The following CHP2 variants were observed in gnomAD, a reference collection of about 807,000 sequenced individuals.
CHP2 encodes the protein calcineurin like EF-hand protein 2, also known as calcineurin B homologous protein 2.
Under a neutral mutation model 24.7 loss-of-function variants are expected in CHP2, and 31 were observed. The ratio of observed to expected loss-of-function variants is 1.26; its 90% CI spans 0.94 to 1.69. The LOEUF (loss-of-function observed/expected upper bound fraction) is 1.69, where lower values mean the gene tolerates loss of function less well. Ranked by LOEUF, CHP2 falls within the 40% of genes most tolerant of loss-of-function variation. The pLI, the probability that CHP2 is intolerant of heterozygous loss-of-function variation, is 0.00. For synonymous variants in CHP2, 97 were observed against 99.1 expected, an observed-to-expected ratio of 0.98 and a Z score of 0.13; for missense variants, 319 against 261.5, an observed-to-expected ratio of 1.22 and a Z score of -1.52.
At position 23,757,541 on chromosome 16, in the gene CHP2, G is replaced by T. The variant is rs775580010; in HGVS notation, c.549G>T (p.Lys183Asn). The part of the protein sequence containing the change: ...SFVEFTKSLE[K>N]MDVEQKMSIR... ...TGTTTTTCCCTCAGTCCTTAGAGAA[G>T]ATGGACGTTGAGCAAAAAATGAGCA... Residue 183 changes from lysine (K) to asparagine (N), a missense_variant, in exon 7 of 7, where the codon AAG becomes AAT. Transcript: ENST00000300113. 3.7e-6 allele frequency: 6 copies of T among 1,614,000 alleles called. No homozygotes were observed. The African/African-American group carries it at 8.0e-5, about 22-fold the overall frequency.
Position 23,758,126 on chromosome 16 carries a change from A to T in CHP2, c.*543A>T, listed in dbSNP as rs1182152698. The T allele has an allele frequency of 5.8e-6, 1 of 171,320 alleles. No individual in the cohort carries two copies. The highest frequency in any genetic ancestry group is 1.3e-5 in the Non-Finnish European group (1 of 79,248). The allele number at this position is 171,320 out of a possible 1,614,324, so 10.6% of individuals were successfully genotyped here. On this transcript the variant is annotated 3_prime_UTR_variant, in exon 7 of 7. Coordinates refer to ENST00000300113, the MANE Select transcript of CHP2 (RefSeq NM_022097.4). ...GGAGGCAGAGCTCAGGCGGTAATGCAAGCAATGGGGAGTGGCTGTAAATAT... is the reference window on the plus strand; with the variant it reads ...GGAGGCAGAGCTCAGGCGGTAATGCTAGCAATGGGGAGTGGCTGTAAATAT...
chr16:23,756,091 G>A lies in CHP2; in HGVS notation c.250G>A (p.Val84Ile), dbSNP rs1322486461. ...GSQRVDFPGF[V>I]RVLAHFRPVE... ...CCAGCGAGTGGATTTCCCAGGCTTTGTCAGGGTCTTGGCTCATTTTCGCCC... is the reference window on the plus strand; with the variant it reads ...CCAGCGAGTGGATTTCCCAGGCTTTATCAGGGTCTTGGCTCATTTTCGCCC... The change falls in exon 4 of 7, where the codon GTC (valine) becomes ATC (isoleucine). Residue 84 changes from valine (V) to isoleucine (I), a missense_variant. By Grantham distance (29) the Val-to-Ile change is conservative (BLOSUM62 3). Transcript: ENST00000300113. 1 of 1,614,040 alleles carries A rather than the reference G, an allele frequency of 6.2e-7. No individual in the cohort carries two copies. The highest frequency in any genetic ancestry group is 8.5e-7 in the Non-Finnish European group (1 of 1,180,042).
intron 1 of CHP2, 170 bp downstream of exon 1, chr16:23,755,286 G>T: frequency 1.7e-6 from 1 of 603,070 alleles, no homozygotes; most frequent in Admixed American, 3.0e-5. Flanking sequence ...GTTAGGGGCG[G>T]GTTAACCTAG....
chr16:23,755,986 G>C, intron 3 of CHP2, 59 bp downstream of exon 3: 1 of 1,613,738 alleles, frequency 6.2e-7, no homozygotes, highest in Non-Finnish European at 8.5e-7. Context: ...GAGTGGGTGG[G>C]AGGGGAGGTT....
At chr16:23,755,292 C>T (rs1961206084) in intron 1 of CHP2, 176 bp downstream of exon 1, 2 of 600,114 alleles carry the variant, frequency 3.3e-6, no homozygotes, top group South Asian at 2.0e-5. Context: ...GGCGGGTTAA[C>T]CTAGGGGTCC....
rs1167190804 is a variant in CHP2, at chr16:23,755,926, G to A, written c.220G>A (p.Gly74Arg). The A allele has an allele frequency of 6.2e-7, 1 of 1,614,198 alleles. No individual in the cohort carries two copies. The highest frequency in any genetic ancestry group is 8.5e-7 in the Non-Finnish European group (1 of 1,180,034). ...AATTATAGAAAGCTTCTTCCCCGATGGGTGAGGCTTGCTGGGCGTGGGGAG... is the reference window on the plus strand; with the variant it reads ...AATTATAGAAAGCTTCTTCCCCGATAGGTGAGGCTTGCTGGGCGTGGGGAG... Reference protein sequence around the residue: ...DRIIESFFPDGSQRVDFPGFV... With the variant: ...DRIIESFFPDRSQRVDFPGFV... The change falls in exon 3 of 7, where the codon GGG becomes AGG. Residue 74 changes from glycine to arginine, a missense_variant and splice_region_variant. Coordinates refer to ENST00000300113, the MANE Select transcript of CHP2 (RefSeq NM_022097.4).
intron 1 of CHP2, 76 bp downstream of exon 1, chr16:23,755,192 T>C (rs2141043554): frequency 1.8e-6 from 2 of 1,101,714 alleles, no homozygotes; most frequent in Middle Eastern, 2.1e-4. Flanking sequence ...AGGGGTTGGG[T>C]TGAAGGATGG....
chr16:23,756,536 G>T, intron 5 of CHP2, 87 bp downstream of exon 5: 1 of 1,134,754 alleles, frequency 8.8e-7, no homozygotes, highest in South Asian at 1.3e-5. Context: ...TGGGATGATT[G>T]GGGAACTGGG....
At chr16:23,757,160 C>T (rs118109714) in intron 5 of CHP2, 41 bp from the exon 6 acceptor site, 20,761 of 1,612,846 alleles carry the variant, frequency 0.013, 168 homozygotes, top group Non-Finnish European at 0.015. Flanking sequence ...TTGCAGCCTT[C>T]GTGCCCCCTC....
rs1469411634 is a variant in CHP2 at position 23,756,461 on chromosome 16, G to A, written c.414+12G>A. 7 of 1,610,220 alleles carry A rather than the reference G, an allele frequency of 4.3e-6. No individual in the cohort carries two copies. The highest frequency in any genetic ancestry group is 5.9e-6 in the Non-Finnish European group (7 of 1,176,562). ...ATGAGATGCTGCAGGTTGGCAGAAAGCGAGAGCAAGAGATGTGATGTGTGA... is the reference window on the plus strand; with the variant it reads ...ATGAGATGCTGCAGGTTGGCAGAAAACGAGAGCAAGAGATGTGATGTGTGA... On this transcript the variant is annotated intron_variant, in intron 5 of 6. Transcript: ENST00000300113.
chr16:23,756,389 T>G lies in CHP2; in HGVS notation c.354T>G (p.Tyr118Ter). The G allele has an allele frequency of 6.2e-7, 1 of 1,613,414 alleles. No homozygotes were observed. Among genetic ancestry groups the G allele is most frequent in the African/African-American group, 1.3e-5 (1 of 74,986 alleles). ...PLNSRRNKLH[Y>*]AFQLYDLDRD... ...TTCCCCCTCCCACCCTCTCCCCAGA[T>G]GCATTTCAGCTCTATGACCTGGATC... The change falls in exon 5 of 7, where the codon TAT becomes TAG. Residue 118 changes from tyrosine to a stop codon, truncating the protein, a stop_gained and splice_region_variant. Coordinates refer to ENST00000300113, the MANE Select transcript of CHP2 (RefSeq NM_022097.4). LOFTEE classifies it high-confidence loss of function.
rs146709681 is a variant in CHP2 at position 23,755,683 on chromosome 16, C to A, written c.90C>A (p.Arg30=). 1.3e-4 allele frequency: 207 copies of A among 1,614,156 alleles called. 1 individual carries two copies. The African/African-American group carries it at 2.4e-3, about 19-fold the overall frequency. The change falls in exon 2 of 7, where the codon CGC becomes CGA. Residue 30 remains arginine (R), a synonymous_variant. Transcript: ENST00000300113. ...CAGTCTCCCAAGCCAGCCTGCTCCG[C>A]CTGCACCACCGGTTCCGGGCACTGG... The part of the protein sequence containing the change: ...ETGFSQASLL[R]LHHRFRALDR...
At position 23,755,122 on chromosome 16, in the gene CHP2, T is replaced by G. The variant is rs759653300; in HGVS notation, c.67+6T>G. On this transcript the variant is annotated splice_donor_region_variant and intron_variant, in intron 1 of 6. Transcript: ENST00000300113. ...TATTCGGCGAGAGACCGGCTGTGAG[T>G]GCGCCCGCGTCGGCGGCTGCGGAGG... is the stretch of plus-strand genomic sequence containing the variant. 3 of 1,596,280 alleles carry G rather than the reference T, an allele frequency of 1.9e-6. No homozygotes were observed. Among genetic ancestry groups the G allele is most frequent in the Admixed American group, 1.7e-5 (1 of 58,738 alleles).
rs267604473 is a variant in CHP2 at position 23,755,899 on chromosome 16, C to T, written c.193C>T (p.Arg65Ter). 6 of 1,614,140 alleles carry T rather than the reference C, an allele frequency of 3.7e-6. No individual in the cohort carries two copies. The highest frequency in any genetic ancestry group is 1.3e-5 in the African/African-American group (1 of 75,006). Residue 65 changes from arginine (R) to a stop codon, truncating the protein, a stop_gained, in exon 3 of 7, where the codon CGA becomes TGA. Coordinates refer to ENST00000300113, the MANE Select transcript of CHP2 (RefSeq NM_022097.4). LOFTEE classifies it high-confidence loss of function. Reference protein sequence around the residue: ...GALAVNPLGDRIIESFFPDGS... With the variant: ...GALAVNPLGD ...GCTCGCCGTGAACCCCCTGGGAGAC[C>T]GAATTATAGAAAGCTTCTTCCCCGA...
At position 23,755,509 on chromosome 16, in the gene CHP2, CG is replaced by C; in HGVS notation, c.68-151del. The stretch of plus-strand genomic sequence containing the variant: ...TCGCGGGGTCGTGTCACTCTCCCTC[CG>C]CCCCGGCCAGCTCAACCCCTGATTC... On this transcript the variant is annotated intron_variant, in intron 1 of 6. Coordinates refer to ENST00000300113, the MANE Select transcript of CHP2 (RefSeq NM_022097.4). 3 of 680,826 alleles carry C rather than the reference CG, an allele frequency of 4.4e-6. No individual in the cohort carries two copies. In the South Asian group the frequency reaches 5.2e-5, roughly 12 times the overall value. 42.2% of individuals were successfully genotyped at this position (680,826 alleles called of 1,614,324 possible).
At chr16:23,755,328 G>C (rs985697278) in intron 1 of CHP2, 6 of 594,338 alleles carry the variant, frequency 1.0e-5, no homozygotes, top group Non-Finnish European at 1.8e-5. Context: ...GGGAGGATCC[G>C]GGTTCACGGG....
At position 23,756,416 on chromosome 16, in the gene CHP2, C is replaced by A; in HGVS notation, c.381C>A (p.Arg127=). ...CATTTCAGCTCTATGACCTGGATCGCGATGGGAAGATCTCCAGGCATGAGA... is the reference window on the plus strand; with the variant it reads ...CATTTCAGCTCTATGACCTGGATCGAGATGGGAAGATCTCCAGGCATGAGA... ...HYAFQLYDLD[R]DGKISRHEML... Residue 127 remains arginine, a synonymous_variant, in exon 5 of 7, where the codon CGC becomes CGA. Transcript: ENST00000300113. 6.2e-7 allele frequency: 1 copy of A among 1,613,794 alleles called. No homozygotes were observed. The highest frequency in any genetic ancestry group is 2.2e-5 in the East Asian group (1 of 44,864).
In CHP2 at chr16:23,755,682, G is replaced by A. The variant is rs754579930; in HGVS notation, c.89G>A (p.Arg30His). ...GCAGTCTCCCAAGCCAGCCTGCTCC[G>A]CCTGCACCACCGGTTCCGGGCACTG... Reference protein sequence around the residue: ...ETGFSQASLLRLHHRFRALDR... With the variant: ...ETGFSQASLLHLHHRFRALDR... Residue 30 changes from arginine (R) to histidine (H), a missense_variant, in exon 2 of 7, where the codon CGC (arginine) becomes CAC (histidine). By Grantham distance (29) the Arg-to-His change is conservative. Transcript: ENST00000300113. 14 of 1,614,076 alleles carry A rather than the reference G, an allele frequency of 8.7e-6. No homozygotes were observed. Among genetic ancestry groups the A allele is most frequent in the African/African-American group, 2.7e-5 (2 of 75,016 alleles).
chr16:23,756,444 C>T lies in CHP2; in HGVS notation c.409C>T (p.Leu137=). The change falls in exon 5 of 7, where the codon CTG becomes TTG. Residue 137 remains leucine, a synonymous_variant. Transcript: ENST00000300113. ...RDGKISRHEM[L]QVLRLMVGVQ... is the part of the protein sequence containing the mutation. Reference sequence around the variant, plus strand: ...TGGGAAGATCTCCAGGCATGAGATGCTGCAGGTTGGCAGAAAGCGAGAGCA... The same window carrying T: ...TGGGAAGATCTCCAGGCATGAGATGTTGCAGGTTGGCAGAAAGCGAGAGCA... 1 of 1,613,468 alleles carries T rather than the reference C, an allele frequency of 6.2e-7. No homozygotes were observed. The highest frequency in any genetic ancestry group is 8.5e-7 in the Non-Finnish European group (1 of 1,179,498).
Sources: allele counts gnomAD v4.1 joint callset, GRCh38; gene constraint gnomAD v4.1.1; transcripts MANE v1.5; gene names NCBI Gene and HGNC (gene_info 2026-07-23, HGNC 2026-07-21).